SVOP: variants seen among roughly 807,000 people sequenced by gnomAD.
SVOP encodes the protein synaptic vesicle 2-related protein.
A neutral mutation model predicts 69.1 loss-of-function variants in SVOP; 17 were observed. The ratio of observed to expected loss-of-function variants is 0.25; its 90% CI spans 0.17 to 0.37. SVOP has a LOEUF of 0.37. Ranked by LOEUF, SVOP falls within the 10% of genes least tolerant of loss-of-function variation. SVOP has a pLI of 1.00. For missense variants in SVOP, 435 were observed against 597.5 expected, an observed-to-expected ratio of 0.73 and a Z score of 2.84; for synonymous variants, 238 against 238.6, an observed-to-expected ratio of 1.00 and a Z score of 0.02.
chr12:108,931,437 C>T (rs1329952766), intron 11 of SVOP, among the ~76,000 whole-genome samples: 1 of 152,184 alleles, frequency 6.6e-6, no homozygotes, highest in East Asian at 1.9e-4. Flanking sequence ...AGGTTCCCAC[C>T]TCCAGCTGCA....
chr12:108,925,732 G>T (rs755658474), intron 11 of SVOP, among the ~76,000 whole-genome samples: 3 of 151,998 alleles, frequency 2.0e-5, no homozygotes, highest in African/African-American at 7.3e-5. Context: ...GGCAAGTAAG[G>T]CATGCACCTG....
chr12:108,940,981 T>C, intron 7 of SVOP, 72 bp from the exon 8 acceptor site: 6 of 1,496,186 alleles, frequency 4.0e-6, no homozygotes, highest in South Asian at 1.3e-5. Flanking sequence ...GGGGGCATTG[T>C]GGACAAGGGT....
intron 11 of SVOP, among the ~76,000 whole-genome samples, chr12:108,923,570 G>C (rs2039763227): frequency 6.6e-6 from 1 of 152,072 alleles, no homozygotes; most frequent in African/African-American, 2.4e-5. Flanking sequence ...AAAGGACCCT[G>C]CTAAGTTGTG....
Position 108,975,797 on chromosome 12 carries a change from G to T in SVOP, c.381+1601C>A, listed in dbSNP as rs537639201. Among the ~76,000 whole-genome samples the T allele has an allele frequency of 1.0e-3, 157 of 152,178 alleles. 4 individuals carry two copies. In the South Asian group the frequency reaches 0.02, roughly 20 times the overall value. On this transcript the variant is annotated intron_variant, in intron 4 of 15. Transcript: ENST00000610966. ...GCTCTCTGCAAACTCAGCCTCCCGG[G>T]TTCAAGTGATTCTCCTGCCTCAGCC...
intron 1 of SVOP, among the ~76,000 whole-genome samples, chr12:108,990,438 T>C (rs2040193266): frequency 6.9e-6 from 1 of 145,546 alleles, no homozygotes; most frequent in Non-Finnish European, 1.5e-5. Flanking sequence ...ATGTTCTCAC[T>C]CATAGGTGGG....
At chr12:108,992,499 C>T (rs1229679740) in intron 1 of SVOP, among the ~76,000 whole-genome samples, 1 of 152,096 alleles carries the variant, frequency 6.6e-6, no homozygotes, top group Non-Finnish European at 1.5e-5. Context: ...TATGATCACA[C>T]CACTGCACTC....
intron 11 of SVOP, among the ~76,000 whole-genome samples, chr12:108,927,546 A>G (rs2039787770): frequency 6.6e-6 from 1 of 151,568 alleles, no homozygotes; most frequent in South Asian, 2.1e-4. Context: ...TTTTGTAATT[A>G]GAATTCACTG....
intron 6 of SVOP, among the ~76,000 whole-genome samples, chr12:108,951,038 C>T (rs2039951148): frequency 6.6e-6 from 1 of 152,204 alleles, no homozygotes; most frequent in Non-Finnish European, 1.5e-5. Context: ...CAATTAGAGG[C>T]TTGCCATTTG....
chr12:108,927,709 T>C (rs1438722308), intron 11 of SVOP, among the ~76,000 whole-genome samples: 1 of 150,934 alleles, frequency 6.6e-6, no homozygotes, highest in Non-Finnish European at 1.5e-5. Flanking sequence ...CAAGTGATCC[T>C]CCCACTTCAG....
chr12:108,973,160 C>A (rs1056892529), intron 4 of SVOP, among the ~76,000 whole-genome samples: 2 of 152,114 alleles, frequency 1.3e-5, no homozygotes, highest in Admixed American at 1.3e-4. Context: ...CATGCTGAAG[C>A]CTTTATGCAC....
chr12:109,010,726 C>G (rs938441281), intron 1 of SVOP, among the ~76,000 whole-genome samples: 2 of 152,098 alleles, frequency 1.3e-5, no homozygotes, highest in Non-Finnish European at 2.9e-5. Context: ...TGATCTCAAA[C>G]TCCTGAGCTA....
chr12:108,944,369 A>G (rs547716314), intron 7 of SVOP, among the ~76,000 whole-genome samples: 30 of 152,224 alleles, frequency 2.0e-4, no homozygotes, highest in African/African-American at 6.7e-4. Context: ...TCAGTGGAGC[A>G]TCACCCTAAT....
intron 1 of SVOP, among the ~76,000 whole-genome samples, chr12:109,009,708 C>G (rs1041410450): frequency 1.3e-5 from 2 of 152,160 alleles, no homozygotes; most frequent in Non-Finnish European, 2.9e-5. Flanking sequence ...AGCCATGGCG[C>G]CTGGCCCTAG....
chr12:108,956,233 C>T (rs1017587114), intron 6 of SVOP, among the ~76,000 whole-genome samples: 5 of 148,836 alleles, frequency 3.4e-5, no homozygotes, highest in African/African-American at 7.5e-5. Context: ...ACCCTGGAGG[C>T]GGAGCTTGTA....
At chr12:108,981,596 A>G (rs1453203316) in intron 2 of SVOP, among the ~76,000 whole-genome samples, 9 of 152,192 alleles carry the variant, frequency 5.9e-5, no homozygotes, top group Non-Finnish European at 1.2e-4. Flanking sequence ...CGTAAATCCA[A>G]ATTGGCTAAT....
chr12:109,006,041 G>C (rs2040305357), intron 1 of SVOP, among the ~76,000 whole-genome samples: 1 of 150,536 alleles, frequency 6.6e-6, no homozygotes, highest in Non-Finnish European at 1.5e-5. Context: ...GGAGGAAAGT[G>C]GGTTGTTTTG....
In SVOP at chr12:109,013,580, G is replaced by A. The variant is rs377312374; in HGVS notation, c.35+7254C>T. On this transcript the variant is annotated intron_variant, in intron 1 of 15. Transcript: ENST00000610966. ...TAATTTTTGCATTTTTAGTAGAGAC[G>A]GTTTTCACCATGTTGGCCAGGCTGA... Among the ~76,000 whole-genome samples, 26 of 151,622 alleles carry A rather than the reference G, an allele frequency of 1.7e-4. No individual in the cohort carries two copies. In the East Asian group the frequency reaches 3.9e-3, roughly 23 times the overall value.
intron 12 of SVOP, 49 bp from the exon 13 acceptor site, chr12:108,919,835 T>C: frequency 7.8e-7 from 1 of 1,282,940 alleles, no homozygotes; most frequent in Non-Finnish European, 1.1e-6. Context: ...TGATTCCCAA[T>C]GCCCTCCATC....
chr12:108,986,875 A>G (rs974991820), intron 1 of SVOP, among the ~76,000 whole-genome samples: 3 of 152,272 alleles, frequency 2.0e-5, no homozygotes, highest in South Asian at 2.1e-4. Context: ...AGACAAACAC[A>G]TAGTCACTCT....
Sources: allele counts gnomAD v4.1 joint callset (sites outside exome capture counted in the v4.1 genomes callset), GRCh38; gene constraint gnomAD v4.1.1; transcripts MANE v1.5; gene names NCBI Gene and HGNC (gene_info 2026-07-23, HGNC 2026-07-21).